CSMD1: variants seen among roughly 807,000 people sequenced by gnomAD.
CSMD1 encodes the protein CUB and Sushi multiple domains 1.
A neutral mutation model predicts 417.5 loss-of-function variants in CSMD1; 213 were observed. That is an observed-to-expected ratio of 0.51 (90% confidence interval 0.46 to 0.57). CSMD1 has a LOEUF of 0.57. Among genes scored for constraint, CSMD1 ranks in the 20% least tolerant of loss-of-function variants. The probability of loss-of-function intolerance (pLI) is 0.00; values close to 1 mark genes in which losing one functional copy is unlikely to be tolerated. For missense variants in CSMD1, 6,923 were observed against 4,529.7 expected, an observed-to-expected ratio of 1.53 and a Z score of -15.17; for synonymous variants, 2,862 against 1,736.8, an observed-to-expected ratio of 1.65 and a Z score of -16.11.
intron 3 of CSMD1, among the ~76,000 whole-genome samples, chr8:4,200,884 A>C (rs1429782985): frequency 6.6e-6 from 1 of 152,054 alleles, no homozygotes; most frequent in African/African-American, 2.4e-5. Flanking sequence ...TAATAATAAC[A>C]CATCTTTAAG....
chr8:4,542,733 T>C (rs1216888040), intron 2 of CSMD1, among the ~76,000 whole-genome samples: 4 of 152,120 alleles, frequency 2.6e-5, no homozygotes, highest in Non-Finnish European at 5.9e-5. Context: ...CAATGGATGG[T>C]CATGAAAAAA....
At chr8:3,719,650 G>A (rs936740088) in intron 6 of CSMD1, among the ~76,000 whole-genome samples, 11 of 152,198 alleles carry the variant, frequency 7.2e-5, no homozygotes, top group South Asian at 4.2e-4. Context: ...TGGGTAGGGC[G>A]GTCAGATGAG....
Position 3,751,299 on chromosome 8 carries a change from A to AGTGTGTGTGT in CSMD1, c.931+2621_931+2630dup, listed in dbSNP as rs67753470. 5.9e-3 allele frequency among the ~76,000 whole-genome samples: 834 copies of AGTGTGTGTGT among 140,260 alleles called. 6 individuals are homozygous for AGTGTGTGTGT. The highest frequency in any genetic ancestry group is 9.4e-3 in the African/African-American group (356 of 38,074). 92.0% of individuals were successfully genotyped at this position (140,260 alleles called of 152,430 possible). A position where few individuals can be genotyped will look rare whatever the true frequency, so the allele number is the denominator to read the frequency against. On this transcript the variant is annotated intron_variant, in intron 6 of 69. Transcript: ENST00000635120. ...CCTCTCTCCTTATATATACAATTGA[A>AGTGTGTGTGT]GTGTGTGTGTGTGTGTGTGTGTGTG...
intron 2 of CSMD1, among the ~76,000 whole-genome samples, chr8:4,422,657 G>C (rs137898139): frequency 1.2e-4 from 19 of 152,016 alleles, no homozygotes; most frequent in Middle Eastern, 3.4e-3. Flanking sequence ...CTTAATCCCT[G>C]GAACTTATAG....
chr8:3,250,486 CT>C (rs1223126719), intron 26 of CSMD1, among the ~76,000 whole-genome samples: 1 of 152,148 alleles, frequency 6.6e-6, no homozygotes, highest in African/African-American at 2.4e-5. Context: ...GGTTCCAAGT[CT>C]TTGCTATTGT....
chr8:4,435,937 A>T (rs1798124738), intron 2 of CSMD1, among the ~76,000 whole-genome samples: 1 of 152,122 alleles, frequency 6.6e-6, no homozygotes, highest in Non-Finnish European at 1.5e-5. Flanking sequence ...TTTAACCAAA[A>T]TCTACATTCT....
At chr8:3,299,048 G>A (rs901039744) in intron 25 of CSMD1, among the ~76,000 whole-genome samples, 3 of 152,100 alleles carry the variant, frequency 2.0e-5, no homozygotes, top group Admixed American at 2.0e-4. Context: ...CAAAAAATAT[G>A]ATACAACAAA....
At chr8:3,504,575 T>C (rs1048467573) in intron 10 of CSMD1, among the ~76,000 whole-genome samples, 1 of 152,234 alleles carries the variant, frequency 6.6e-6, no homozygotes, top group Non-Finnish European at 1.5e-5. Flanking sequence ...TGAAGTATTC[T>C]GTTATTTCAA....
At chr8:3,282,478 C>G (rs141178593) in intron 26 of CSMD1, among the ~76,000 whole-genome samples, 273 of 152,194 alleles carry the variant, frequency 1.8e-3, no homozygotes, top group African/African-American at 6.3e-3. Context: ...CTAAATAAGG[C>G]CAATGAATCA....
intron 1 of CSMD1, among the ~76,000 whole-genome samples, chr8:4,808,686 T>A (rs1038872229): frequency 1.3e-5 from 2 of 152,198 alleles, no homozygotes; most frequent in African/African-American, 4.8e-5. Flanking sequence ...AACATACTGG[T>A]TTAAAAATCT....
chr8:3,290,944 T>A (rs963279176), intron 25 of CSMD1, among the ~76,000 whole-genome samples: 4 of 152,196 alleles, frequency 2.6e-5, no homozygotes, highest in South Asian at 2.1e-4. Context: ...CCATTCAGTA[T>A]GATATTGGCT....
intron 7 of CSMD1, among the ~76,000 whole-genome samples, chr8:3,653,995 A>C (rs563248171): frequency 6.6e-6 from 1 of 152,308 alleles, no homozygotes; most frequent in East Asian, 1.9e-4. Flanking sequence ...TTGAACTTGG[A>C]TCATTGATGT....
intron 7 of CSMD1, among the ~76,000 whole-genome samples, chr8:3,690,826 A>G (rs1277077094): frequency 6.6e-6 from 1 of 152,222 alleles, no homozygotes; most frequent in East Asian, 1.9e-4. Flanking sequence ...TAAACTAGCA[A>G]AATTGAGGTT....
At chr8:3,827,532 T>A (rs1398843604) in intron 5 of CSMD1, among the ~76,000 whole-genome samples, 1 of 152,226 alleles carries the variant, frequency 6.6e-6, no homozygotes, top group Non-Finnish European at 1.5e-5. Context: ...CCCAAGGCAC[T>A]GTCATATTCC....
intron 3 of CSMD1, among the ~76,000 whole-genome samples, chr8:4,290,473 G>C (rs746655361): frequency 6.6e-6 from 1 of 152,110 alleles, no homozygotes; most frequent in African/African-American, 2.4e-5. Flanking sequence ...CAAGGGTCAG[G>C]GACACTGCAT....
chr8:4,456,985 T>TAAAAAA (rs1554485114), intron 2 of CSMD1, among the ~76,000 whole-genome samples: 31 of 138,802 alleles, frequency 2.2e-4, no homozygotes, highest in African/African-American at 7.0e-4. Context: ...GGTTTTTTTT[T>TAAAAAA]AAAAAAAAAA....
chr8:4,850,051 C>T (rs901498755), intron 1 of CSMD1, among the ~76,000 whole-genome samples: 6 of 152,250 alleles, frequency 3.9e-5, no homozygotes, highest in African/African-American at 9.6e-5. Context: ...CTATACTTGG[C>T]TTTTTTTATT....
chr8:4,369,052 A>G (rs988095644), intron 3 of CSMD1, among the ~76,000 whole-genome samples: 1 of 152,058 alleles, frequency 6.6e-6, no homozygotes, highest in African/African-American at 2.4e-5. Flanking sequence ...TGCTAATTTA[A>G]GATCTTTTTG....
At chr8:3,306,562 A>T (rs1804867142) in intron 25 of CSMD1, among the ~76,000 whole-genome samples, 2 of 152,184 alleles carry the variant, frequency 1.3e-5, no homozygotes, top group Non-Finnish European at 2.9e-5. Context: ...GTATAATAGC[A>T]TGATGGAGTG....
Sources: gnomAD v4.1 joint callset for allele counts (sites outside exome capture counted in the v4.1 genomes callset) on GRCh38, gnomAD v4.1.1 for gene constraint, MANE v1.5 for transcripts, NCBI Gene and HGNC (gene_info 2026-07-23, HGNC 2026-07-21) for gene names.